Variants in GRIA3 observed in about 807,000 individuals in gnomAD.
The protein encoded by GRIA3 is glutamate ionotropic receptor AMPA type subunit 3.
A neutral mutation model predicts 63.0 loss-of-function variants in GRIA3; 3 were observed. The observed-to-expected ratio is 0.05, with a 90% confidence interval of 0.02 to 0.12. The LOEUF (loss-of-function observed/expected upper bound fraction) is 0.12, where lower values mean the gene tolerates loss of function less well. Among genes scored for constraint, GRIA3 ranks in the 10% least tolerant of loss-of-function variants. The pLI is 1.00. For missense variants in GRIA3, 347 were observed against 700.9 expected (o/e 0.50, Z 5.70); for synonymous variants, 274 against 257.9 (o/e 1.06, Z -0.60).
rs866431990 is a variant in GRIA3 at position 123,413,568 on chromosome X, A to C, written c.1501-3834A>C. On this transcript the variant is annotated intron_variant, in intron 10 of 15. Transcript: ENST00000620443. ...AAAAAAAAAAAAAAAAAAAAAAAAAAAACACTCTGCTAGCTTTCTGGCCAA... is the reference window on the plus strand; with the variant it reads ...AAAAAAAAAAAAAAAAAAAAAAAAACAACACTCTGCTAGCTTTCTGGCCAA... Among the ~76,000 whole-genome samples, 7 of 83,392 alleles carry C rather than the reference A, an allele frequency of 8.4e-5. No individual in the cohort carries two copies. The East Asian group carries it at 1.1e-3, about 14-fold the overall frequency. The allele number at this position is 83,392 out of a possible 115,157, so 72.4% of individuals were successfully genotyped here.
intron 2 of GRIA3, among the ~76,000 whole-genome samples, chrX:123,210,455 A>T (rs1169822189): frequency 9.0e-6 from 1 of 111,189 alleles, no homozygotes; most frequent in Non-Finnish European, 1.9e-5. Context: ...TTCTGCTGAC[A>T]CTTCACTTTC....
chrX:123,424,502 C>T (rs2045580310), intron 11 of GRIA3, among the ~76,000 whole-genome samples: 1 of 111,746 alleles, frequency 8.9e-6, no homozygotes, highest in South Asian at 3.7e-4. Flanking sequence ...ATGTTGAATG[C>T]AAGCTTGTGC....
chrX:123,408,548 A>G (rs772073731), intron 10 of GRIA3, among the ~76,000 whole-genome samples: 3 of 111,802 alleles, frequency 2.7e-5, no homozygotes, highest in Non-Finnish European at 3.8e-5. Flanking sequence ...CCTCATTCCA[A>G]TTTGTCTACT....
chrX:123,263,663 G>A (rs894385264), intron 3 of GRIA3, among the ~76,000 whole-genome samples: 3 of 111,975 alleles, frequency 2.7e-5, no homozygotes, highest in Non-Finnish European at 5.6e-5. Flanking sequence ...TTTTGTTAAC[G>A]ATTTACATCC....
At chrX:123,443,679 G>C (rs992814933) in intron 12 of GRIA3, among the ~76,000 whole-genome samples, 1 of 111,240 alleles carries the variant, frequency 9.0e-6, no homozygotes, top group African/African-American at 3.3e-5. Context: ...TTATGTTAGT[G>C]TCTGTACAGA....
At chrX:123,185,128 G>T (rs1927224797) in intron 1 of GRIA3, 1 of 284,492 alleles carries the variant, frequency 3.5e-6, no homozygotes, top group Non-Finnish European at 6.9e-6. Context: ...GGTGCTGGGG[G>T]AGGTGGAGCC....
At chrX:123,373,640 C>T (rs2045264230) in intron 5 of GRIA3, among the ~76,000 whole-genome samples, 1 of 112,338 alleles carries the variant, frequency 8.9e-6, no homozygotes, top group Admixed American at 9.4e-5. Flanking sequence ...CTGTTAGCTG[C>T]ATAAATGTCT....
intron 13 of GRIA3, among the ~76,000 whole-genome samples, chrX:123,477,384 C>T (rs1443679137): frequency 8.9e-6 from 1 of 111,858 alleles, no homozygotes; most frequent in African/African-American, 3.3e-5. Context: ...AACTATTTTT[C>T]TAAAACAATA....
At chrX:123,302,099 T>G (rs149575090) in intron 3 of GRIA3, among the ~76,000 whole-genome samples, 1 of 112,129 alleles carries the variant, frequency 8.9e-6, no homozygotes, top group Non-Finnish European at 1.9e-5. Flanking sequence ...ATGGTGTTTC[T>G]GTGCAAAGCA....
At chrX:123,246,950 T>C (rs994021482) in intron 2 of GRIA3, among the ~76,000 whole-genome samples, 3 of 110,697 alleles carry the variant, frequency 2.7e-5, no homozygotes, top group African/African-American at 9.9e-5. Flanking sequence ...ATACATTTAT[T>C]TATTTCCTTA....
chrX:123,285,786 C>T (rs2044615629), intron 3 of GRIA3, among the ~76,000 whole-genome samples: 1 of 110,576 alleles, frequency 9.0e-6, no homozygotes, highest in Admixed American at 9.6e-5. Context: ...TAGAGACCTA[C>T]AAAGAGACTT....
At chrX:123,225,049 T>C (rs898652363) in intron 2 of GRIA3, among the ~76,000 whole-genome samples, 2 of 111,829 alleles carry the variant, frequency 1.8e-5, no homozygotes, top group African/African-American at 6.5e-5. Flanking sequence ...GCGTGAAACC[T>C]CTTTAAAGAT....
At chrX:123,365,764 C>CA (rs1442486663) in intron 5 of GRIA3, among the ~76,000 whole-genome samples, 10 of 111,650 alleles carry the variant, frequency 9.0e-5, no homozygotes, top group Non-Finnish European at 1.9e-4. Flanking sequence ...GAAAGGGATA[C>CA]AAAAAGAAGA....
chrX:123,376,974 G>A (rs757313055), intron 5 of GRIA3, among the ~76,000 whole-genome samples: 2 of 84,305 alleles, frequency 2.4e-5, no homozygotes, highest in South Asian at 6.3e-4. Flanking sequence ...TTGCTCTGTC[G>A]CCCAGGCTGG....
intron 3 of GRIA3, among the ~76,000 whole-genome samples, chrX:123,298,436 G>C (rs1349466059): frequency 2.7e-5 from 3 of 111,372 alleles, no homozygotes; most frequent in Non-Finnish European, 3.8e-5. Flanking sequence ...GACTGTTGTG[G>C]CATGGTATCT....
intron 3 of GRIA3, among the ~76,000 whole-genome samples, chrX:123,288,447 A>G (rs769075748): frequency 4.4e-5 from 5 of 112,448 alleles, no homozygotes; most frequent in Non-Finnish European, 9.4e-5. Context: ...GCTTCTGCAC[A>G]GCAAAAGAAA....
chrX:123,246,772 A>C (rs1476334689), intron 2 of GRIA3, among the ~76,000 whole-genome samples: 1 of 109,097 alleles, frequency 9.2e-6, no homozygotes, highest in Non-Finnish European at 1.9e-5. Flanking sequence ...TATATCTTCC[A>C]TGTGATAGAC....
intron 3 of GRIA3, among the ~76,000 whole-genome samples, chrX:123,313,611 T>C: frequency 9.0e-6 from 1 of 111,491 alleles, no homozygotes; most frequent in Non-Finnish European, 1.9e-5. Flanking sequence ...CTCAGAAATG[T>C]TAAGAGGTTT....
chrX:123,467,374 T>A (rs759282428), intron 13 of GRIA3, among the ~76,000 whole-genome samples: 1 of 112,099 alleles, frequency 8.9e-6, no homozygotes, highest in African/African-American at 3.2e-5. Flanking sequence ...ATTCCATTCA[T>A]CCCTTATGGA....
Sources: allele counts gnomAD v4.1 joint callset (sites outside exome capture counted in the v4.1 genomes callset), GRCh38; gene constraint gnomAD v4.1.1; transcripts MANE v1.5; gene names NCBI Gene and HGNC (gene_info 2026-07-23, HGNC 2026-07-21).